The following CDH17 variants were observed in gnomAD, a reference collection of about 807,000 sequenced individuals.
CDH17 encodes cadherin-17.
Under a neutral mutation model 86.3 loss-of-function variants are expected in CDH17, and 67 were observed. The observed-to-expected ratio is 0.78, with a 90% CI of 0.64 to 0.95. The LOEUF (loss-of-function observed/expected upper bound fraction) is 0.95, where lower values mean the gene tolerates loss of function less well. Among genes scored for constraint, CDH17 ranks in the 40% least tolerant of loss-of-function variants. The pLI, the probability that CDH17 is intolerant of heterozygous loss-of-function variation, is 0.00. For synonymous variants in CDH17, 367 were observed against 366.4 expected (o/e 1.00, Z -0.02); for missense variants, 993 against 1,017.6 (o/e 0.98, Z 0.33).
intron 3 of CDH17, among the ~76,000 whole-genome samples, chr8:94,186,101 A>G (rs79627393): frequency 0.013 from 1,938 of 152,196 alleles, 37 homozygotes; most frequent in African/African-American, 0.044. Context: ...CAAGCACTCT[A>G]TTGGCACCTA....
intron 1 of CDH17, among the ~76,000 whole-genome samples, chr8:94,199,075 ATATATATATTT>A (rs1369152541): frequency 3.2e-3 from 32 of 9,904 alleles, no homozygotes; most frequent in Non-Finnish European, 7.7e-3. Context: ...ATATATATAT[ATATATATATTT>A]TTTTTTTTTT....
chr8:94,176,439 T>C, intron 5 of CDH17, 102 bp downstream of exon 5: 1 of 1,235,914 alleles, frequency 8.1e-7, no homozygotes, highest in South Asian at 1.4e-5. Flanking sequence ...GGTAAGATAG[T>C]GCTTATTGAG....
rs553220236 is a variant in CDH17, at chr8:94,148,291, C to A, written c.1927+453G>T. Among the ~76,000 whole-genome samples the A allele has an allele frequency of 1.5e-4, 23 of 152,236 alleles. No individual in the cohort carries two copies. The East Asian group carries it at 4.2e-3, about 28-fold the overall frequency. ...GCGTGGTGGCTCACACCTGTAATCC[C>A]AGCACTTTGGGAGGTGGAGGCAGGC... On this transcript the variant is annotated intron_variant, in intron 14 of 17. Coordinates refer to ENST00000027335, the MANE Select transcript of CDH17 (RefSeq NM_004063.4).
Position 94,130,623 on chromosome 8 carries a change from C to T in CDH17, c.2398+3G>A, listed in dbSNP as rs1424269769. On this transcript the variant is annotated splice_donor_region_variant and intron_variant, in intron 17 of 17. Coordinates refer to ENST00000027335, the MANE Select transcript of CDH17 (RefSeq NM_004063.4). ...ACTCTTTGAATTAAGAAATTACACT[C>T]ACCAATCACCAGAAGGGTGGTCAGC... 1.9e-6 allele frequency: 3 copies of T among 1,585,744 alleles called. No individual in the cohort carries two copies. The highest frequency in any genetic ancestry group is 2.2e-5 in the East Asian group (1 of 44,646).
At chr8:94,145,412 T>C (rs1435901834) in intron 15 of CDH17, among the ~76,000 whole-genome samples, 1 of 152,154 alleles carries the variant, frequency 6.6e-6, no homozygotes, top group East Asian at 1.9e-4. Flanking sequence ...GATGAAATTA[T>C]TGAAAATGAA....
intron 8 of CDH17, 45 bp downstream of exon 8, chr8:94,170,809 T>C (rs759163269): frequency 6.3e-7 from 1 of 1,599,268 alleles, no homozygotes. Flanking sequence ...TAGATGGGCA[T>C]AGGACTTTGT....
rs138652001 is a variant in CDH17 at position 94,189,709 on chromosome 8, A to G, written c.52-424T>C. ...CCTCCCTCCACTCTTTTTATTTTAT[A>G]AAGACATTTACAGCAGATTGCCAGC... On this transcript the variant is annotated intron_variant, in intron 2 of 17. Transcript: ENST00000027335. Among the ~76,000 whole-genome samples, 446 of 152,298 alleles carry G rather than the reference A, an allele frequency of 2.9e-3. 1 individual carries two copies. Among genetic ancestry groups the G allele is most frequent in the African/African-American group, 0.01 (416 of 41,566 alleles).
At chr8:94,133,422 A>T (rs577542908) in intron 15 of CDH17, among the ~76,000 whole-genome samples, 12 of 152,280 alleles carry the variant, frequency 7.9e-5, no homozygotes, top group African/African-American at 2.2e-4. Context: ...TTCTCTTTGC[A>T]GCAATTGTGA....
intron 7 of CDH17, among the ~76,000 whole-genome samples, chr8:94,172,790 G>A (rs1290761060): frequency 6.6e-6 from 1 of 152,126 alleles, no homozygotes; most frequent in Non-Finnish European, 1.5e-5. Flanking sequence ...GTAGGAGGGG[G>A]CCCAGGGTAA....
intron 10 of CDH17, among the ~76,000 whole-genome samples, chr8:94,162,847 T>C (rs530515417): frequency 6.6e-6 from 1 of 152,138 alleles, no homozygotes; most frequent in South Asian, 2.1e-4. Context: ...GGAGTGCAGG[T>C]GGGGACAGGA....
At chr8:94,214,823 TGAATA>T (rs1261047231) in intron 1 of CDH17, among the ~76,000 whole-genome samples, 1 of 149,764 alleles carries the variant, frequency 6.7e-6, no homozygotes, top group Non-Finnish European at 1.5e-5. Flanking sequence ...ATAAAGGATC[TGAATA>T]GAAATTTTTT....
chr8:94,214,633 G>GA (rs573435891), intron 1 of CDH17, among the ~76,000 whole-genome samples: 31 of 148,446 alleles, frequency 2.1e-4, no homozygotes, highest in Middle Eastern at 3.5e-3. Flanking sequence ...AATAACAATA[G>GA]AAAAAAAAAC....
At chr8:94,166,015 C>T (rs755988919) in intron 9 of CDH17, 39 bp from the exon 10 acceptor site, 4 of 1,224,586 alleles carry the variant, frequency 3.3e-6, no homozygotes, top group Admixed American at 3.5e-5. Flanking sequence ...CCATTACAGG[C>T]TCCACATAAT....
At chr8:94,141,784 T>G (rs1351566656) in intron 15 of CDH17, among the ~76,000 whole-genome samples, 1 of 152,138 alleles carries the variant, frequency 6.6e-6, no homozygotes, top group Admixed American at 6.6e-5. Flanking sequence ...ACTTAATATA[T>G]CAATTCTCCT....
chr8:94,160,339 CAT>C (rs1485600953), intron 11 of CDH17, among the ~76,000 whole-genome samples, 177 bp from the exon 12 acceptor site: 3 of 152,174 alleles, frequency 2.0e-5, no homozygotes, highest in Non-Finnish European at 4.4e-5. Flanking sequence ...CAGTCATACT[CAT>C]GAGCTGATAT....
chr8:94,142,972 T>G (rs564221005), intron 15 of CDH17, among the ~76,000 whole-genome samples: 1 of 152,322 alleles, frequency 6.6e-6, no homozygotes, highest in African/African-American at 2.4e-5. Flanking sequence ...CCTACTAATG[T>G]GTATATTTCA....
intron 15 of CDH17, among the ~76,000 whole-genome samples, chr8:94,135,749 C>T (rs534187474): frequency 6.6e-6 from 1 of 152,202 alleles, no homozygotes; most frequent in Admixed American, 6.5e-5. Context: ...TTCCTAGCAT[C>T]GATGGTCTTT....
intron 3 of CDH17, among the ~76,000 whole-genome samples, chr8:94,185,302 CA>C: frequency 6.6e-6 from 1 of 151,960 alleles, no homozygotes; most frequent in Non-Finnish European, 1.5e-5. Flanking sequence ...CACACACACA[CA>C]CACACACACA....
chr8:94,148,589 T>G (rs1812793085), intron 14 of CDH17, among the ~76,000 whole-genome samples, 155 bp downstream of exon 14: 1 of 146,598 alleles, frequency 6.8e-6, no homozygotes. Flanking sequence ...GAGCACTCCC[T>G]TATATTTTGT....
Sources: allele counts gnomAD v4.1 joint callset (sites outside exome capture counted in the v4.1 genomes callset), GRCh38; gene constraint gnomAD v4.1.1; transcripts MANE v1.5; gene names NCBI Gene and HGNC (gene_info 2026-07-23, HGNC 2026-07-21).